Variants in GPALPP1 observed in about 807,000 individuals in gnomAD.
The protein encoded by GPALPP1 is GPALPP motifs-containing protein 1.
GPALPP1 carries 30 observed loss-of-function variants against 38.9 expected under a neutral mutation model. That is an observed-to-expected ratio of 0.77 (90% CI 0.58 to 1.05). The LOEUF is 1.05. GPALPP1 is among the 50% of genes least tolerant of loss of function. The probability of loss-of-function intolerance (pLI) is 0.00; values close to 1 mark genes in which losing one functional copy is unlikely to be tolerated. For synonymous variants in GPALPP1, 120 were observed against 139.2 expected, an observed-to-expected ratio of 0.86 and a Z score of 0.97; for missense variants, 384 against 408.8, an observed-to-expected ratio of 0.94 and a Z score of 0.52.
chr13:44,999,860 G>A (rs1025035445), intron 1 of GPALPP1, among the ~76,000 whole-genome samples: 1 of 152,146 alleles, frequency 6.6e-6, no homozygotes, highest in Admixed American at 6.5e-5. Context: ...TTACAAGCAT[G>A]AGCCACTGCG....
intron 7 of GPALPP1, among the ~76,000 whole-genome samples, chr13:45,025,148 A>G (rs1212113470): frequency 6.6e-6 from 1 of 152,168 alleles, no homozygotes; most frequent in Non-Finnish European, 1.5e-5. Context: ...AATAGAAACA[A>G]AAAAAATTAA....
At chr13:45,018,394 C>T (rs1875033109) in intron 6 of GPALPP1, among the ~76,000 whole-genome samples, 2 of 137,246 alleles carry the variant, frequency 1.5e-5, no homozygotes, top group South Asian at 2.2e-4. Context: ...GAGACTCTGT[C>T]TAAAAAAAAA....
In GPALPP1 at chr13:45,027,913, G is replaced by A. The variant is rs1310407034; in HGVS notation, c.933G>A (p.Arg311=). Residue 311 remains arginine (R), a synonymous_variant, in exon 8 of 8, where the codon CGG becomes CGA. Coordinates refer to ENST00000379151, the MANE Select transcript of GPALPP1 (RefSeq NM_018559.5). The part of the protein sequence containing the change: ...FDRDKDLKVN[R]FDEAQKKALI... ...GTGATAAAGATCTCAAGGTTAATCGGTTTGATGAAGCTCAGAAAAAAGCCC... is the reference window on the plus strand; with the variant it reads ...GTGATAAAGATCTCAAGGTTAATCGATTTGATGAAGCTCAGAAAAAAGCCC... 1.2e-6 allele frequency: 2 copies of A among 1,610,720 alleles called. No individual in the cohort carries two copies. Among genetic ancestry groups the A allele is most frequent in the Admixed American group, 3.3e-5 (2 of 59,968 alleles).
chr13:45,007,105 A>G (rs1874156836), intron 3 of GPALPP1, among the ~76,000 whole-genome samples: 1 of 152,064 alleles, frequency 6.6e-6, no homozygotes. Flanking sequence ...ACAGTCCCCA[A>G]ACTAAAAATG....
intron 7 of GPALPP1, 63 bp from the exon 8 acceptor site, chr13:45,027,722 A>G (rs1023557745): frequency 5.2e-6 from 4 of 775,580 alleles, no homozygotes; most frequent in Non-Finnish European, 8.8e-6. Context: ...TTTCATGGTC[A>G]TATTCTGTCA....
At chr13:45,033,982 C>A (rs940927331), downstream of GPALPP1, 18 of 152,138 alleles carry the variant, frequency 1.2e-4, no homozygotes, top group South Asian at 8.3e-4. Context: ...CTCTCTAACT[C>A]CCAAATTGAA....
intron 4 of GPALPP1, among the ~76,000 whole-genome samples, chr13:45,009,410 A>C (rs1374980286): frequency 6.6e-6 from 1 of 152,210 alleles, no homozygotes; most frequent in Non-Finnish European, 1.5e-5. Context: ...AGAGTACTTT[A>C]CAATTTGTAA....
chr13:45,006,191 T>C lies in GPALPP1; in HGVS notation c.222-11T>C. ...ACATATATGCATAAAGTTATACTAC[T>C]ATGTTTTCAGAAAACAGAGGAAAAA... On this transcript the variant is annotated splice_polypyrimidine_tract_variant and intron_variant, in intron 2 of 7. Transcript: ENST00000379151. The C allele has an allele frequency of 6.5e-7, 1 of 1,548,788 alleles. No homozygotes were observed. Among genetic ancestry groups the C allele is most frequent in the South Asian group, 1.2e-5 (1 of 86,500 alleles).
At chr13:45,001,063 A>G (rs368446081) in intron 1 of GPALPP1, among the ~76,000 whole-genome samples, 28 of 152,300 alleles carry the variant, frequency 1.8e-4, no homozygotes, top group African/African-American at 6.7e-4. Flanking sequence ...ATCTTGAATT[A>G]TAGTTTCCAT....
At chr13:45,032,610 T>C (rs1257451812), downstream of GPALPP1, among the ~76,000 whole-genome samples, 2 of 151,256 alleles carry the variant, frequency 1.3e-5, no homozygotes, top group East Asian at 4.0e-4. Context: ...TTCACCATGT[T>C]AGTCAGGCTG....
At position 44,995,202 on chromosome 13, in the gene GPALPP1, A is replaced by ACACACACACACACACACACACACACACC. The variant is rs755761092; in HGVS notation, c.88+5461_88+5462insACACACACACACACACACACACACACCC. Among the ~76,000 whole-genome samples the ACACACACACACACACACACACACACACC allele has an allele frequency of 1.3e-4, 7 of 54,554 alleles. No homozygotes were observed. The South Asian group carries it at 2.6e-3, about 20-fold the overall frequency. The allele number at this position is 54,554 out of a possible 152,430, so 35.8% of individuals were successfully genotyped here. On this transcript the variant is annotated intron_variant, in intron 1 of 7. Coordinates refer to ENST00000379151, the MANE Select transcript of GPALPP1 (RefSeq NM_018559.5). ...CACACACACACACACACACACACAC[A>ACACACACACACACACACACACACACACC]CCCCTTCTCTTTTGGTTTCTATGAT...
At chr13:45,005,862 T>TA (rs1407732167) in intron 2 of GPALPP1, among the ~76,000 whole-genome samples, 1 of 151,806 alleles carries the variant, frequency 6.6e-6, no homozygotes, top group Non-Finnish European at 1.5e-5. Flanking sequence ...CCGTCTCTAC[T>TA]AAAAAATACA....
chr13:45,015,475 TTCCTCCA>T lies in GPALPP1; in HGVS notation c.585_591del (p.Pro196LysfsTer2), dbSNP rs1462602597. ...GTAAGAGAGTCATGGATGACTGAAC[TTCCTCCA>T]GAAATGAAAGACTTTGGTCTTGGGC... On this transcript the variant is annotated frameshift_variant, in exon 6 of 8. Transcript: ENST00000379151. LOFTEE classifies it high-confidence loss of function. The T allele has an allele frequency of 6.2e-7, 1 of 1,606,772 alleles. No individual in the cohort carries two copies.
chr13:44,998,451 C>G (rs1403479626), intron 1 of GPALPP1, among the ~76,000 whole-genome samples: 1 of 152,190 alleles, frequency 6.6e-6, no homozygotes, highest in Non-Finnish European at 1.5e-5. Context: ...CAATTCAAGG[C>G]TTCCTTTTCA....
At position 45,020,341 on chromosome 13, in the gene GPALPP1, A is replaced by G. The variant is rs769781122; in HGVS notation, c.717A>G (p.Glu239=). The G allele has an allele frequency of 4.2e-6, 6 of 1,440,044 alleles. 1 individual carries two copies. In the Admixed American group the frequency reaches 6.7e-5, roughly 16 times the overall value. 89.2% of individuals were successfully genotyped at this position (1,440,044 alleles called of 1,614,324 possible). ...DRERKAKETQ[E]ARKSSSKKDE... ...TGTTCATTCCTCAGGAAACACAAGA[A>G]GCAAGGAAGTCATCCAGTAAGAAAG... is the stretch of plus-strand genomic sequence containing the variant. Residue 239 remains glutamate (E), a synonymous_variant, in exon 7 of 8, where the codon GAA becomes GAG. Coordinates refer to ENST00000379151, the MANE Select transcript of GPALPP1 (RefSeq NM_018559.5).
chr13:45,016,453 C>CAAAAA (rs895241580), intron 6 of GPALPP1, among the ~76,000 whole-genome samples: 1 of 147,470 alleles, frequency 6.8e-6, no homozygotes, highest in African/African-American at 2.5e-5. Flanking sequence ...GACTCCATCT[C>CAAAAA]AAAAAAAAAC....
At chr13:45,001,314 C>T (rs1318649506) in intron 1 of GPALPP1, among the ~76,000 whole-genome samples, 1 of 152,160 alleles carries the variant, frequency 6.6e-6, no homozygotes, top group Non-Finnish European at 1.5e-5. Flanking sequence ...AACTGTGGCT[C>T]AATTAAACCT....
intron 7 of GPALPP1, among the ~76,000 whole-genome samples, chr13:45,026,542 A>G (rs1040829600): frequency 6.6e-6 from 1 of 152,050 alleles, no homozygotes; most frequent in African/African-American, 2.4e-5. Context: ...CACTTTCAGC[A>G]TTTTTTACTA....
intron 1 of GPALPP1, among the ~76,000 whole-genome samples, chr13:45,002,759 T>C (rs1433257764): frequency 6.6e-6 from 1 of 152,210 alleles, no homozygotes; most frequent in Non-Finnish European, 1.5e-5. Flanking sequence ...ACCATCCAAC[T>C]TGATGTCGTC....
Sources: allele counts gnomAD v4.1 joint callset (sites outside exome capture counted in the v4.1 genomes callset), GRCh38; gene constraint gnomAD v4.1.1; transcripts MANE v1.5; gene names NCBI Gene and HGNC (gene_info 2026-07-23, HGNC 2026-07-21).